GSK3A: variants seen among roughly 807,000 people sequenced by gnomAD.
The protein encoded by GSK3A is glycogen synthase kinase-3 alpha.
GSK3A carries 14 observed loss-of-function variants against 56.6 expected under a neutral mutation model. That is an observed-to-expected ratio of 0.25 (90% CI 0.16 to 0.39). The LOEUF is 0.39. GSK3A is among the 10% of genes least tolerant of loss of function. The pLI is 1.00. For missense variants in GSK3A, 450 were observed against 656.0 expected (o/e 0.69, Z 3.43); for synonymous variants, 301 against 285.0 (o/e 1.06, Z -0.56).
chr19:42,236,243 C>T (rs2036256094), intron 4 of GSK3A, among the ~76,000 whole-genome samples: 3 of 152,288 alleles, frequency 2.0e-5, no homozygotes, highest in Admixed American at 6.5e-5. Flanking sequence ...GCTCTAAAGG[C>T]CCGAACTCTG....
rs2036217571 is a variant in GSK3A, at chr19:42,230,688, C to G, written c.*106G>C. 3.7e-6 allele frequency: 3 copies of G among 813,158 alleles called. No individual in the cohort carries two copies. The East Asian group carries it at 8.0e-5, about 22-fold the overall frequency. 50.4% of individuals were successfully genotyped at this position (813,158 alleles called of 1,614,324 possible). On this transcript the variant is annotated 3_prime_UTR_variant, in exon 11 of 11. Coordinates refer to ENST00000222330, the MANE Select transcript of GSK3A (RefSeq NM_019884.3). ...ACAGGGACTCATTTACCTCTGCCCT[C>G]TAGTCTAGGGGCCCAGCCAGGGCAG...
At chr19:42,231,990 G>T in intron 10 of GSK3A, 67 bp downstream of exon 10, 2 of 814,684 alleles carry the variant, frequency 2.5e-6, no homozygotes. Context: ...CCCAGTCACT[G>T]AGCGAACAGC....
At chr19:42,231,149 C>T (rs568230232) in intron 10 of GSK3A, among the ~76,000 whole-genome samples, 17 of 151,910 alleles carry the variant, frequency 1.1e-4, no homozygotes, top group Admixed American at 3.3e-4. Flanking sequence ...ATCACAAGGT[C>T]AGCAGTTCGA....
At chr19:42,232,248 G>A in intron 9 of GSK3A, 99 bp from the exon 10 acceptor site, 2 of 803,218 alleles carry the variant, frequency 2.5e-6, no homozygotes, top group South Asian at 1.5e-5. Context: ...AGTTGTTTGT[G>A]GACACCTTCA....
Position 42,240,494 on chromosome 19 carries a change from T to C in GSK3A, c.284-352A>G, listed in dbSNP as rs533399571. 40 of 476,326 alleles carry C rather than the reference T, an allele frequency of 8.4e-5. No homozygotes were observed. The East Asian group carries it at 1.3e-3, about 16-fold the overall frequency. The allele number at this position is 476,326 out of a possible 1,614,324, so 29.5% of individuals were successfully genotyped here. The stretch of plus-strand genomic sequence containing the variant: ...TTGACTCCATCTACTCTGGATCTAC[T>C]GCCCTCTGGCCCCTCCTATTTGGAG... On this transcript the variant is annotated intron_variant, in intron 1 of 10. Transcript: ENST00000222330.
chr19:42,238,248 GGTGGAT>G (rs1334375540), intron 2 of GSK3A, among the ~76,000 whole-genome samples: 3 of 151,906 alleles, frequency 2.0e-5, no homozygotes, highest in Non-Finnish European at 2.9e-5. Flanking sequence ...CAACTACTCA[GGTGGAT>G]GAGGTACAAG....
intron 9 of GSK3A, 87 bp downstream of exon 9, chr19:42,232,409 C>A: frequency 2.4e-6 from 3 of 1,268,514 alleles, no homozygotes; most frequent in Non-Finnish European, 2.2e-6. Flanking sequence ...CTTAGCTCCC[C>A]ACTCCTGCTT....
intron 9 of GSK3A, 115 bp downstream of exon 9, chr19:42,232,381 C>A: frequency 1.1e-6 from 1 of 943,808 alleles, no homozygotes; most frequent in Admixed American, 2.2e-5. Flanking sequence ...GAGCCCCAGG[C>A]CTGCCTTGTA....
At chr19:42,237,613 C>T (rs976329571) in intron 2 of GSK3A, among the ~76,000 whole-genome samples, 17 of 151,722 alleles carry the variant, frequency 1.1e-4, no homozygotes, top group Non-Finnish European at 2.2e-4. Flanking sequence ...CGTGGTGGCT[C>T]ACGCCTGTAA....
chr19:42,230,625 CAG>C lies in GSK3A; in HGVS notation c.*167_*168del, dbSNP rs2146934419. 3 of 627,048 alleles carry C rather than the reference CAG, an allele frequency of 4.8e-6. No individual in the cohort carries two copies. Among genetic ancestry groups the C allele is most frequent in the Admixed American group, 5.3e-5 (2 of 37,674 alleles). 38.8% of individuals were successfully genotyped at this position (627,048 alleles called of 1,614,324 possible). A position where few individuals can be genotyped will look rare whatever the true frequency, so the allele number is the denominator to read the frequency against. ...TAAAATCCTCTTAAAAAGCCCACCA[CAG>C]GGGTGAGGCTGGTGAGGGAGGGACT... On this transcript the variant is annotated 3_prime_UTR_variant, in exon 11 of 11. Coordinates refer to ENST00000222330, the MANE Select transcript of GSK3A (RefSeq NM_019884.3).
Position 42,233,275 on chromosome 19 carries a change from C to T in GSK3A, c.1002+11G>A, listed in dbSNP as rs2036236466. On this transcript the variant is annotated intron_variant, in intron 7 of 10. Coordinates refer to ENST00000222330, the MANE Select transcript of GSK3A (RefSeq NM_019884.3). ...GCCCCACCCCCTGCCCAGCCCAGCC[C>T]CGCCCCTCACCTTGATGATCTCCAC... The T allele has an allele frequency of 1.9e-6, 3 of 1,561,064 alleles. No individual in the cohort carries two copies. In the East Asian group the frequency reaches 6.9e-5, roughly 36 times the overall value.
intron 4 of GSK3A, among the ~76,000 whole-genome samples, chr19:42,235,886 G>C (rs530539176): frequency 1.3e-5 from 2 of 152,330 alleles, no homozygotes; most frequent in East Asian, 3.9e-4. Flanking sequence ...CTCCTGGGAA[G>C]TGAGGTCCAA....
rs370322458 is a variant in GSK3A, at chr19:42,238,913, G to A, written c.471+1042C>T. ...GAACCTGGGAGGCAGAGGTTGTAGC[G>A]GGCCAAGATCGTGCCACTGCACTCC... On this transcript the variant is annotated intron_variant, in intron 2 of 10. Coordinates refer to ENST00000222330, the MANE Select transcript of GSK3A (RefSeq NM_019884.3). Among the ~76,000 whole-genome samples the A allele has an allele frequency of 2.8e-4, 42 of 152,074 alleles. No individual in the cohort carries two copies. The South Asian group carries it at 7.7e-3, about 28-fold the overall frequency.
Position 42,232,057 on chromosome 19 carries a change from C to A in GSK3A, c.1378G>T (p.Ala460Ser). The stretch of plus-strand genomic sequence containing the variant: ...CCCCCAGCAGATGGTCCCCACTTAC[C>A]TTGTGAGGACGGGGTGAGGGTGGTA... Reference protein sequence around the residue: ...GTTTLTPSSQALTETPTSSDW... With the variant: ...GTTTLTPSSQSLTETPTSSDW... Residue 460 changes from alanine to serine, a missense_variant and splice_region_variant, in exon 10 of 11, where the codon GCT becomes TCT. Physicochemically the swap from Ala to Ser is moderately conservative, Grantham distance 99. This residue lies in a region of GSK3A where 113 missense variants were observed against 147.5 expected (regional missense o/e 0.77). Coordinates refer to ENST00000222330, the MANE Select transcript of GSK3A (RefSeq NM_019884.3). 1.3e-6 allele frequency: 2 copies of A among 1,582,956 alleles called. No homozygotes were observed. Among genetic ancestry groups the A allele is most frequent in the South Asian group, 2.2e-5 (2 of 89,628 alleles).
At position 42,234,238 on chromosome 19, in the gene GSK3A, A is replaced by G; in HGVS notation, c.904+115T>C. On this transcript the variant is annotated intron_variant, in intron 6 of 10. Transcript: ENST00000222330. The surrounding 1 kb of genome is among the most constrained non-coding windows in gnomAD (Gnocchi z 5.7). ...GCATCAGCCTCCTAAGTTTGTGAGG[A>G]CTGGATACAAGAACAGAAGTTAAGC... 1 of 770,168 alleles carries G rather than the reference A, an allele frequency of 1.3e-6. No homozygotes were observed. Among genetic ancestry groups the G allele is most frequent in the South Asian group, 1.5e-5 (1 of 67,128 alleles). 47.7% of individuals were successfully genotyped at this position (770,168 alleles called of 1,614,324 possible).
At position 42,233,031 on chromosome 19, in the gene GSK3A, G is replaced by T. The variant is rs906035087; in HGVS notation, c.1098+79C>A. 8.0e-6 allele frequency: 7 copies of T among 873,326 alleles called. No individual in the cohort carries two copies. In the Admixed American group the frequency reaches 1.3e-4, roughly 16 times the overall value. 54.1% of individuals were successfully genotyped at this position (873,326 alleles called of 1,614,324 possible). On this transcript the variant is annotated intron_variant, in intron 8 of 10. Transcript: ENST00000222330. ...AATCCTCCCAAGCCGTGATTCTGAG[G>T]CTAGGTCCACAGAACAGTTGACCTC...
intron 10 of GSK3A, among the ~76,000 whole-genome samples, chr19:42,231,752 G>A (rs2036225035): frequency 6.6e-6 from 1 of 151,710 alleles, no homozygotes; most frequent in Non-Finnish European, 1.5e-5. Flanking sequence ...CAGCCTGGGT[G>A]GCGAGTGAAA....
At chr19:42,240,733 G>A (rs544630977) in intron 1 of GSK3A, 5 of 155,992 alleles carry the variant, frequency 3.2e-5, no homozygotes, top group African/African-American at 9.6e-5. Flanking sequence ...GGTACTTTGA[G>A]GTTAGAAAAA....
intron 8 of GSK3A, 46 bp from the exon 9 acceptor site, chr19:42,232,728 C>T: frequency 7.0e-7 from 1 of 1,429,486 alleles, no homozygotes; most frequent in Non-Finnish European, 9.5e-7. Flanking sequence ...GCCCTGGACA[C>T]TGGCATACTC....
Sources: allele counts gnomAD v4.1 joint callset (sites outside exome capture counted in the v4.1 genomes callset), GRCh38; gene constraint gnomAD v4.1.1; regional missense constraint gnomAD v4.1.1; non-coding constraint Gnocchi (gnomAD v3.1); transcripts MANE v1.5; gene names NCBI Gene and HGNC (gene_info 2026-07-23, HGNC 2026-07-21).